The following SND1 variants were observed in gnomAD, a reference collection of about 807,000 sequenced individuals.
SND1 encodes the protein staphylococcal nuclease and tudor domain containing 1.
A neutral mutation model predicts 121.7 loss-of-function variants in SND1; 38 were observed. That is an observed-to-expected ratio of 0.31 (90% CI 0.24 to 0.41). The LOEUF is 0.41. Ranked by LOEUF, SND1 falls within the 10% of genes least tolerant of loss-of-function variation. The probability of loss-of-function intolerance (pLI) is 1.00; values close to 1 mark genes in which losing one functional copy is unlikely to be tolerated. For missense variants in SND1, 868 were observed against 1,184.6 expected (o/e 0.73, Z 3.92); for synonymous variants, 401 against 447.4 (o/e 0.90, Z 1.31).
chr7:127,722,084 G>A (rs961114897), intron 10 of SND1, among the ~76,000 whole-genome samples: 2 of 152,136 alleles, frequency 1.3e-5, no homozygotes, highest in Non-Finnish European at 2.9e-5. Context: ...TGGGAATAGG[G>A]ATTAAGGTTG....
chr7:128,010,954 G>C lies in SND1; in HGVS notation c.1779+19898G>C, dbSNP rs561946543. ...AGCTGGTGAGCGGACGCCCTCAGCA[G>C]AGGTATTTTTAGCTACAATGATACA... On this transcript the variant is annotated intron_variant, in intron 16 of 23. Transcript: ENST00000354725. Among the ~76,000 whole-genome samples the C allele has an allele frequency of 1.2e-4, 19 of 152,288 alleles. 1 individual carries two copies. The South Asian group carries it at 2.3e-3, about 18-fold the overall frequency.
chr7:127,833,495 C>T (rs1366878034), intron 11 of SND1, among the ~76,000 whole-genome samples: 1 of 152,000 alleles, frequency 6.6e-6, no homozygotes, highest in Non-Finnish European at 1.5e-5. Flanking sequence ...GAACTCTTGA[C>T]CTCAAATGAT....
chr7:127,828,277 G>A (rs1441932462), intron 11 of SND1, among the ~76,000 whole-genome samples: 1 of 152,112 alleles, frequency 6.6e-6, no homozygotes, highest in Non-Finnish European at 1.5e-5. Flanking sequence ...GATTACGGGT[G>A]TGAGCCACTG....
intron 20 of SND1, chr7:128,086,676 G>A (rs1052696933): frequency 3.6e-6 from 2 of 556,430 alleles, no homozygotes; most frequent in Admixed American, 3.1e-5. Flanking sequence ...GTTATACTGC[G>A]ATTGTTTTCA....
intron 15 of SND1, among the ~76,000 whole-genome samples, chr7:127,950,271 G>A (rs896459229): frequency 6.6e-6 from 1 of 151,914 alleles, no homozygotes; most frequent in African/African-American, 2.4e-5. Flanking sequence ...TACACAATGC[G>A]TTAATGGCTA....
chr7:128,074,502 G>T lies in SND1; in HGVS notation c.1780G>T (p.Val594Leu). Residue 594 changes from valine (V) to leucine (L), a missense_variant and splice_region_variant, in exon 17 of 24, where the codon GTG becomes TTG. Val to Leu is a conservative substitution (Grantham distance 32). This residue lies in a region of SND1 where 743 missense variants were observed against 1,071.3 expected (regional missense o/e 0.69). Transcript: ENST00000354725. ...GCTTACGCCTGTCTCTCTGTCCCAG[G>T]TGGAGGTGGAGGTGGAGAGCATGGA... ...FTKELVLQRE[V>L]EVEVESMDKA... The T allele has an allele frequency of 6.2e-7, 1 of 1,609,236 alleles. No individual in the cohort carries two copies. Among genetic ancestry groups the T allele is most frequent in the Non-Finnish European group, 8.5e-7 (1 of 1,176,756 alleles).
intron 16 of SND1, among the ~76,000 whole-genome samples, chr7:128,053,366 AGTG>A (rs1458253329): frequency 6.6e-6 from 1 of 152,154 alleles, no homozygotes; most frequent in Non-Finnish European, 1.5e-5. Flanking sequence ...TGGGCACTTA[AGTG>A]GAGAATTGCC....
At chr7:127,705,492 A>G (rs1173685333) in intron 8 of SND1, among the ~76,000 whole-genome samples, 1 of 152,214 alleles carries the variant, frequency 6.6e-6, no homozygotes, top group African/African-American at 2.4e-5. Context: ...TCGTTAAAGC[A>G]GATATAGGAA....
chr7:127,971,694 T>C lies in SND1; in HGVS notation c.1670-19253T>C, dbSNP rs180785415. Among the ~76,000 whole-genome samples, 17 of 152,276 alleles carry C rather than the reference T, an allele frequency of 1.1e-4. No homozygotes were observed. In the East Asian group the frequency reaches 3.1e-3, roughly 28 times the overall value. ...GAAGCAATGAAAGATAGGTGATACA[T>C]TGTCATTAAAATAAATTTAAATGTG... is the stretch of plus-strand genomic sequence containing the variant. On this transcript the variant is annotated intron_variant, in intron 15 of 23. Coordinates refer to ENST00000354725, the MANE Select transcript of SND1 (RefSeq NM_014390.4).
chr7:127,674,861 A>T (rs1795588699), intron 1 of SND1, among the ~76,000 whole-genome samples: 1 of 152,210 alleles, frequency 6.6e-6, no homozygotes. Flanking sequence ...AAGTACTTTT[A>T]AAAATGATCT....
chr7:128,064,446 A>G (rs1793280276), intron 16 of SND1, among the ~76,000 whole-genome samples: 2 of 152,144 alleles, frequency 1.3e-5, no homozygotes, highest in South Asian at 4.1e-4. Context: ...AGAATCCAAG[A>G]GCCATTTCTG....
At chr7:128,032,960 A>C (rs557501304) in intron 16 of SND1, among the ~76,000 whole-genome samples, 6 of 152,258 alleles carry the variant, frequency 3.9e-5, no homozygotes, top group African/African-American at 1.4e-4. Flanking sequence ...GATTGAGGTG[A>C]ACTCCCGGAG....
In SND1 at chr7:127,887,086, C is replaced by T. The variant is rs190046747; in HGVS notation, c.1344-816C>T. On this transcript the variant is annotated intron_variant, in intron 12 of 23. Transcript: ENST00000354725. ...TGGTGTGATCACAGCTCACAGCAAC[C>T]TCAAACTCCTGATCCTCCTCCCTCA... is the stretch of plus-strand genomic sequence containing the variant. 1.8e-3 allele frequency among the ~76,000 whole-genome samples: 280 copies of T among 152,064 alleles called. 1 individual carries two copies. The highest frequency in any genetic ancestry group is 6.5e-3 in the African/African-American group (269 of 41,490).
At chr7:127,661,970 G>A (rs1795319963) in intron 1 of SND1, among the ~76,000 whole-genome samples, 1 of 142,356 alleles carries the variant, frequency 7.0e-6, no homozygotes, top group South Asian at 2.3e-4. Context: ...ACAAAAATTA[G>A]CCGGGCATGG....
At chr7:127,888,113 A>G (rs1399361551) in intron 13 of SND1, 101 bp downstream of exon 13, 2 of 660,330 alleles carry the variant, frequency 3.0e-6, no homozygotes, top group African/African-American at 3.6e-5. Context: ...GGAAAATAAT[A>G]TGCTGAGAAA....
At chr7:127,677,577 C>T (rs1169223994) in intron 1 of SND1, among the ~76,000 whole-genome samples, 1 of 152,152 alleles carries the variant, frequency 6.6e-6, no homozygotes, top group Non-Finnish European at 1.5e-5. Context: ...TGTAAAGGGC[C>T]AGGTAATAAA....
rs1158535023 is a variant in SND1 at position 127,922,175 on chromosome 7, C to CTT, written c.1528-6986_1528-6985dup. Among the ~76,000 whole-genome samples the CTT allele has an allele frequency of 9.9e-3, 563 of 57,096 alleles. 50 individuals are homozygous for CTT. Among genetic ancestry groups the CTT allele is most frequent in the Admixed American group, 0.014 (49 of 3,462 alleles). 37.5% of individuals were successfully genotyped at this position (57,096 alleles called of 152,430 possible). A position where few individuals can be genotyped will look rare whatever the true frequency, so the allele number is the denominator to read the frequency against. On this transcript the variant is annotated intron_variant, in intron 14 of 23. Coordinates refer to ENST00000354725, the MANE Select transcript of SND1 (RefSeq NM_014390.4). ...CCAGCTGATTTTCTTTTTTTCTTTC[C>CTT]TTTTTTTTTTTTTTTTTTTTTTTTT...
intron 15 of SND1, among the ~76,000 whole-genome samples, chr7:127,943,483 C>T (rs1801262006): frequency 6.6e-6 from 1 of 152,188 alleles, no homozygotes; most frequent in African/African-American, 2.4e-5. Flanking sequence ...GTTTGCTGTG[C>T]CCTTCTGTGT....
At chr7:128,028,559 A>G in intron 16 of SND1, 1 of 906,452 alleles carries the variant, frequency 1.1e-6, no homozygotes, top group Non-Finnish European at 1.6e-6. Context: ...GTTTTTTTTA[A>G]CCAGCCCATA....
Sources: gnomAD v4.1 joint callset for allele counts (sites outside exome capture counted in the v4.1 genomes callset) on GRCh38, gnomAD v4.1.1 for gene constraint, gnomAD v4.1.1 regional missense constraint, MANE v1.5 for transcripts, NCBI Gene and HGNC (gene_info 2026-07-23, HGNC 2026-07-21) for gene names.